Variants in ANK2 observed in about 807,000 individuals in gnomAD.
The protein encoded by ANK2 is ankyrin 2, also known as ankyrin-2.
ANK2 carries 83 observed loss-of-function variants against 360.5 expected under a neutral mutation model. That is an observed-to-expected ratio of 0.23 (90% CI 0.19 to 0.28). The LOEUF (loss-of-function observed/expected upper bound fraction) is 0.28. Ranked by LOEUF, ANK2 falls within the 10% of genes least tolerant of loss-of-function variation. The pLI is 1.00. For synonymous variants in ANK2, 1,740 were observed against 1,759.5 expected (o/e 0.99, Z 0.28); for missense variants, 4,201 against 4,795.7 (o/e 0.88, Z 3.66).
At chr4:113,279,280 A>G (rs1332036590) in intron 17 of ANK2, among the ~76,000 whole-genome samples, 1 of 152,208 alleles carries the variant, frequency 6.6e-6, no homozygotes, top group African/African-American at 2.4e-5. Context: ...GTAATGGGAA[A>G]ATATTTATGC....
At chr4:112,870,885 C>T (rs1008026717) in intron 1 of ANK2, among the ~76,000 whole-genome samples, 29 of 152,084 alleles carry the variant, frequency 1.9e-4, no homozygotes, top group African/African-American at 7.0e-4. Flanking sequence ...GGTAGTATTG[C>T]CAATACAATA....
chr4:113,044,009 T>C (rs1328080097), intron 2 of ANK2, among the ~76,000 whole-genome samples: 1 of 152,158 alleles, frequency 6.6e-6, no homozygotes, highest in African/African-American at 2.4e-5. Flanking sequence ...CTAGTGCCTT[T>C]AATACAGGAC....
At chr4:113,123,104 G>A (rs1409615897) in intron 1 of ANK2, among the ~76,000 whole-genome samples, 2 of 151,226 alleles carry the variant, frequency 1.3e-5, no homozygotes, top group Non-Finnish European at 3.0e-5. Flanking sequence ...CTACTATGAG[G>A]GATTGACTTA....
intron 1 of ANK2, among the ~76,000 whole-genome samples, chr4:113,092,850 A>G (rs965128131): frequency 2.0e-5 from 3 of 152,136 alleles, no homozygotes; most frequent in Non-Finnish European, 4.4e-5. Flanking sequence ...AATCTTATTG[A>G]TTACATGACA....
chr4:113,082,771 T>A (rs1426756700), intron 1 of ANK2, among the ~76,000 whole-genome samples: 1 of 152,248 alleles, frequency 6.6e-6, no homozygotes, highest in East Asian at 1.9e-4. Context: ...TTGTGAATAT[T>A]ACAAAGAAAA....
chr4:113,235,398 C>A (rs571730885), intron 5 of ANK2, among the ~76,000 whole-genome samples: 7 of 152,056 alleles, frequency 4.6e-5, no homozygotes, highest in Admixed American at 1.3e-4. Context: ...CACATTGATA[C>A]AATACACTTG....
the ANK2 span, among the ~76,000 whole-genome samples, chr4:112,748,203 AAC>A: frequency 6.6e-6 from 1 of 152,198 alleles, no homozygotes; most frequent in African/African-American, 2.4e-5. Flanking sequence ...TCTGGAACTG[AAC>A]ACCACCAAAT....
chr4:113,310,214 G>A (rs529621974), intron 23 of ANK2, among the ~76,000 whole-genome samples: 2 of 152,294 alleles, frequency 1.3e-5, no homozygotes, highest in Non-Finnish European at 2.9e-5. Context: ...CTTATTTTGA[G>A]TTGTATTTAT....
intron 7 of ANK2, among the ~76,000 whole-genome samples, chr4:113,238,864 C>G (rs1396995211): frequency 6.6e-6 from 1 of 152,108 alleles, no homozygotes; most frequent in African/African-American, 2.4e-5. Flanking sequence ...GCTTGGTTAT[C>G]ATTATGAATG....
At chr4:113,145,541 G>A (rs2096795986) in intron 1 of ANK2, 2 of 971,578 alleles carry the variant, frequency 2.1e-6, no homozygotes, top group Non-Finnish European at 1.2e-6. Context: ...AAACAACACC[G>A]CCCCCTCCCC....
intron 2 of ANK2, among the ~76,000 whole-genome samples, chr4:113,008,109 C>CTTT (rs57567947): frequency 2.3e-3 from 327 of 144,012 alleles, no homozygotes; most frequent in African/African-American, 7.0e-3. Flanking sequence ...TAAGCTTTTC[C>CTTT]TTTTTTTTTT....
At chr4:113,049,637 C>T, upstream of ANK2, 2 of 1,489,586 alleles carry the variant, frequency 1.3e-6, no homozygotes, top group Non-Finnish European at 9.0e-7. Flanking sequence ...TCCTCCTCCT[C>T]CTGCTTTCCT....
At chr4:112,712,055 C>CAT in the ANK2 span, among the ~76,000 whole-genome samples, 535 of 146,312 alleles carry the variant, frequency 3.7e-3, no homozygotes, top group African/African-American at 8.6e-3. Context: ...CACACACACA[C>CAT]ATATATATAT....
At chr4:112,864,924 T>A (rs920840551) in intron 1 of ANK2, among the ~76,000 whole-genome samples, 2 of 149,350 alleles carry the variant, frequency 1.3e-5, no homozygotes, top group Non-Finnish European at 3.0e-5. Flanking sequence ...TCCAGCTACT[T>A]GGGAGGCTGA....
In ANK2 at chr4:113,369,782, G is replaced by A. The variant is rs886039041; in HGVS notation, c.11587G>A (p.Asp3863Asn). 5.6e-6 allele frequency: 9 copies of A among 1,614,052 alleles called. No individual in the cohort carries two copies. Among genetic ancestry groups the A allele is most frequent in the African/African-American group, 1.3e-5 (1 of 75,022 alleles). The part of the protein sequence containing the change: ...DNQPETCERL[D>N]EDAAFEKGDD... Reference sequence around the variant, plus strand: ...CCAGCCTGAGACCTGTGAAAGACTCGATGAAGATGCAGCTTTTGAAAAGGT... The same window carrying A: ...CCAGCCTGAGACCTGTGAAAGACTCAATGAAGATGCAGCTTTTGAAAAGGT... Residue 3863 changes from aspartate to asparagine, a missense_variant, in exon 43 of 46, where the codon GAT becomes AAT. By Grantham distance (23) the Asp-to-Asn change is conservative (BLOSUM62 1). Coordinates refer to ENST00000357077, the MANE Select transcript of ANK2 (RefSeq NM_001148.6).
At chr4:112,795,003 C>A in the ANK2 span, among the ~76,000 whole-genome samples, 1 of 152,128 alleles carries the variant, frequency 6.6e-6, no homozygotes, top group African/African-American at 2.4e-5. Context: ...GAATGTCAAG[C>A]AACAATAGCA....
At chr4:113,139,069 C>T (rs2096546106) in intron 1 of ANK2, among the ~76,000 whole-genome samples, 1 of 152,084 alleles carries the variant, frequency 6.6e-6, no homozygotes, top group Admixed American at 6.6e-5. Context: ...TTTTTCTTGT[C>T]TAGATGCTCA....
Position 113,288,399 on chromosome 4 carries a change from A to T in ANK2, c.2190A>T (p.Thr730=), listed in dbSNP as rs775084946. The change falls in exon 20 of 46, where the codon ACA becomes ACT. Residue 730 remains threonine (T), a synonymous_variant. Transcript: ENST00000357077. Reference sequence around the variant, plus strand: ...ATTATTATTTACAGCTTGGTTACACACCTTTAATTGTGGCCTGTCACTATG... The same window carrying T: ...ATTATTATTTACAGCTTGGTTACACTCCTTTAATTGTGGCCTGTCACTATG... ...DQDAHTKLGY[T]PLIVACHYGN... 3.3e-5 allele frequency: 53 copies of T among 1,613,500 alleles called. No individual in the cohort carries two copies. Among genetic ancestry groups the T allele is most frequent in the Non-Finnish European group, 3.4e-5 (40 of 1,179,740 alleles).
intron 42 of ANK2, 139 bp downstream of exon 42, chr4:113,367,990 G>GAA: frequency 2.0e-6 from 2 of 1,006,804 alleles, no homozygotes; most frequent in Non-Finnish European, 1.4e-6. Flanking sequence ...AGCTAAAGGG[G>GAA]AAAAAAAAAG....
Sources: allele counts gnomAD v4.1 joint callset (sites outside exome capture counted in the v4.1 genomes callset), GRCh38; gene constraint gnomAD v4.1.1; transcripts MANE v1.5; gene names NCBI Gene and HGNC (gene_info 2026-07-23, HGNC 2026-07-21).